Variants in USP33 observed in about 807,000 individuals in gnomAD.
USP33 encodes ubiquitin carboxyl-terminal hydrolase 33.
Under a neutral mutation model 124.2 loss-of-function variants are expected in USP33, and 46 were observed. The observed-to-expected ratio is 0.37, with a 90% confidence interval of 0.29 to 0.47. The LOEUF (loss-of-function observed/expected upper bound fraction) is 0.47. USP33 is among the 20% of genes least tolerant of loss of function. USP33 has a pLI of 0.99. For missense variants in USP33, 851 were observed against 1,070.6 expected, an observed-to-expected ratio of 0.79 and a Z score of 2.86; for synonymous variants, 350 against 352.3, an observed-to-expected ratio of 0.99 and a Z score of 0.07.
chr1:77,722,352 T>C (rs1213387641), intron 12 of USP33, 156 bp from the exon 13 acceptor site: 4 of 664,842 alleles, frequency 6.0e-6, no homozygotes, highest in Non-Finnish European at 7.2e-6. Flanking sequence ...TTCATAGTCA[T>C]AATAGCAAAA....
chr1:77,705,108 T>C (rs974323297), intron 21 of USP33, among the ~76,000 whole-genome samples: 52 of 123,586 alleles, frequency 4.2e-4, no homozygotes, highest in African/African-American at 1.9e-3. Flanking sequence ...TTAACACAAA[T>C]GCTTTGTTTA....
chr1:77,744,899 T>C (rs149889353), intron 1 of USP33, among the ~76,000 whole-genome samples: 73 of 152,334 alleles, frequency 4.8e-4, no homozygotes, highest in African/African-American at 1.7e-3. Context: ...ATGTATATTC[T>C]GTTGATATGG....
At position 77,725,619 on chromosome 1, in the gene USP33, TA is replaced by T; in HGVS notation, c.1276+2del. The T allele has an allele frequency of 6.2e-7, 1 of 1,613,920 alleles. No individual in the cohort carries two copies. Among genetic ancestry groups the T allele is most frequent in the South Asian group, 1.1e-5 (1 of 91,016 alleles). On this transcript the variant is annotated splice_donor_variant, in intron 11 of 23. Coordinates refer to ENST00000370794, the MANE Select transcript of USP33 (RefSeq NM_201624.3). LOFTEE classifies it high-confidence loss of function. ...AAGAGACTGAATAAGAGAAACGTTT[TA>T]CCTTTTTTGTGTGGTGGTGCCAATC...
At chr1:77,705,605 A>T (rs278840) in intron 21 of USP33, among the ~76,000 whole-genome samples, 6 of 151,640 alleles carry the variant, frequency 4.0e-5, no homozygotes, top group Non-Finnish European at 8.8e-5. Context: ...GCAATCCCCT[A>T]TTCTCAGCCT....
intron 21 of USP33, among the ~76,000 whole-genome samples, chr1:77,704,419 GA>G (rs1217204901): frequency 2.0e-5 from 3 of 152,168 alleles, no homozygotes; most frequent in Non-Finnish European, 4.4e-5. Context: ...TACCATGTTT[GA>G]AAACTTTCAG....
At chr1:77,739,202 G>T in intron 5 of USP33, 63 bp downstream of exon 5, 1 of 1,539,778 alleles carries the variant, frequency 6.5e-7, no homozygotes, top group South Asian at 1.3e-5. Context: ...TCAGCTACAT[G>T]ACAAATTCTG....
At chr1:77,713,313 G>A (rs1675483131) in intron 19 of USP33, 32 bp from the exon 20 acceptor site, 1 of 1,524,596 alleles carries the variant, frequency 6.6e-7, no homozygotes, top group Non-Finnish European at 8.9e-7. Context: ...TCTGTTTCAT[G>A]CTTTTAATTA....
At chr1:77,717,752 G>C in intron 17 of USP33, 115 bp downstream of exon 17, 1 of 929,638 alleles carries the variant, frequency 1.1e-6, no homozygotes, top group African/African-American at 1.7e-5. Context: ...TTAATTAAGT[G>C]ATTCTCCCAC....
intron 17 of USP33, among the ~76,000 whole-genome samples, chr1:77,717,086 C>T (rs1332784236): frequency 7.9e-5 from 12 of 151,872 alleles, no homozygotes; most frequent in African/African-American, 2.4e-4. Context: ...AGACTGGTCA[C>T]GAACTCCTGA....
chr1:77,702,802 TA>T (rs771917031), intron 21 of USP33, among the ~76,000 whole-genome samples: 2 of 150,774 alleles, frequency 1.3e-5, no homozygotes, highest in Admixed American at 6.6e-5. Context: ...CACTTGCAAT[TA>T]AAAAAAAACC....
At chr1:77,713,459 C>G in intron 19 of USP33, 178 bp from the exon 20 acceptor site, 1 of 515,006 alleles carries the variant, frequency 1.9e-6, no homozygotes, top group Non-Finnish European at 3.3e-6. Flanking sequence ...TCATGGCTCA[C>G]AGCAGCCTCA....
intron 21 of USP33, among the ~76,000 whole-genome samples, chr1:77,704,452 T>C (rs1431472084): frequency 6.6e-6 from 1 of 152,232 alleles, no homozygotes; most frequent in African/African-American, 2.4e-5. Context: ...TCTTTGGTAT[T>C]AAGAAGTTAC....
intron 1 of USP33, among the ~76,000 whole-genome samples, chr1:77,747,702 C>T (rs1679883409): frequency 6.6e-6 from 1 of 152,086 alleles, no homozygotes; most frequent in Admixed American, 6.6e-5. Flanking sequence ...AGTTTCTTAT[C>T]TTCACATTTC....
chr1:77,757,307 T>G (rs1680889280), intron 1 of USP33, among the ~76,000 whole-genome samples: 1 of 152,242 alleles, frequency 6.6e-6, no homozygotes, highest in Non-Finnish European at 1.5e-5. Context: ...TCTTTTTGTT[T>G]TCCAAAGGGC....
At chr1:77,759,455 G>C (rs913473156) in intron 1 of USP33, 188 bp downstream of exon 1, 13 of 395,930 alleles carry the variant, frequency 3.3e-5, no homozygotes, top group Admixed American at 1.3e-4. Flanking sequence ...GATTATCTCT[G>C]CAACGCAGAG....
intron 11 of USP33, among the ~76,000 whole-genome samples, chr1:77,724,848 G>C (rs1472922091): frequency 6.6e-6 from 1 of 151,960 alleles, no homozygotes; most frequent in African/African-American, 2.4e-5. Context: ...ACAAGGTCAG[G>C]AGTTCGAGAC....
intron 12 of USP33, 21 bp downstream of exon 12, chr1:77,723,310 T>C (rs1368872130): frequency 6.5e-7 from 1 of 1,530,260 alleles, no homozygotes; most frequent in African/African-American, 1.4e-5. Flanking sequence ...TTTCTGTGTA[T>C]TCTAATACCC....
Position 77,740,835 on chromosome 1 carries a change from CT to C in USP33, c.198+41del, listed in dbSNP as rs749548770. On this transcript the variant is annotated intron_variant, in intron 4 of 23. Transcript: ENST00000370794. Reference sequence around the variant, plus strand: ...ACTGGCTTTCCCTTTCCTTCAGGCACTTTTTTTAACAAGTCTTCCATTAAAT... The same window carrying C: ...ACTGGCTTTCCCTTTCCTTCAGGCACTTTTTTAACAAGTCTTCCATTAAAT... The C allele has an allele frequency of 3.5e-6, 5 of 1,435,542 alleles. No individual in the cohort carries two copies. In the African/African-American group the frequency reaches 4.3e-5, roughly 12 times the overall value. 88.9% of individuals were successfully genotyped at this position (1,435,542 alleles called of 1,614,324 possible).
intron 19 of USP33, 68 bp downstream of exon 19, chr1:77,714,546 G>C (rs1675651121): frequency 6.6e-7 from 1 of 1,504,782 alleles, no homozygotes. Context: ...AAAATTCTTG[G>C]CTCTCCTAAT....
Sources: gnomAD v4.1 joint callset for allele counts (sites outside exome capture counted in the v4.1 genomes callset) on GRCh38, gnomAD v4.1.1 for gene constraint, MANE v1.5 for transcripts, NCBI Gene and HGNC (gene_info 2026-07-23, HGNC 2026-07-21) for gene names.